The following MEIS2 variants were observed in gnomAD, a reference collection of about 807,000 sequenced individuals.
The protein encoded by MEIS2 is Meis homeobox 2.
In MEIS2, 9 loss-of-function variants were observed where a neutral mutation model predicts 58.6. The observed-to-expected ratio is 0.15, with a 90% CI of 0.09 to 0.27. The LOEUF (loss-of-function observed/expected upper bound fraction) is 0.27. Among genes scored for constraint, MEIS2 ranks in the 10% least tolerant of loss-of-function variants. The probability of loss-of-function intolerance (pLI) is 1.00; values close to 1 mark genes in which losing one functional copy is unlikely to be tolerated. For missense variants in MEIS2, 427 were observed against 635.0 expected (o/e 0.67, Z 3.52); for synonymous variants, 221 against 228.4 (o/e 0.97, Z 0.29).
chr15:36,956,018 A>G (rs995715078), intron 8 of MEIS2, among the ~76,000 whole-genome samples: 1 of 119,138 alleles, frequency 8.4e-6, no homozygotes, highest in Non-Finnish European at 1.7e-5. Context: ...TCTACTAAAA[A>G]TACAAAAAAA....
At chr15:36,910,614 C>T (rs2056963911) in intron 9 of MEIS2, among the ~76,000 whole-genome samples, 1 of 152,130 alleles carries the variant, frequency 6.6e-6, no homozygotes, top group South Asian at 2.1e-4. Flanking sequence ...TTTAGATTTC[C>T]CCAAGTCAGA....
At chr15:37,093,500 G>A in intron 6 of MEIS2, 81 bp downstream of exon 6, 1 of 1,497,544 alleles carries the variant, frequency 6.7e-7, no homozygotes, top group Non-Finnish European at 9.0e-7. Flanking sequence ...AACTAAATCA[G>A]TGGAGCTAGA....
At chr15:37,046,378 C>T (rs1246351415) in intron 7 of MEIS2, among the ~76,000 whole-genome samples, 2 of 152,088 alleles carry the variant, frequency 1.3e-5, no homozygotes, top group African/African-American at 4.8e-5. Context: ...AAAACCCAGC[C>T]AAGGCTGTGC....
chr15:36,901,650 T>C (rs16964268), intron 9 of MEIS2, among the ~76,000 whole-genome samples: 26,671 of 152,092 alleles, frequency 0.18, 2,584 homozygotes, highest in African/African-American at 0.25. Flanking sequence ...GCCTACACCT[T>C]TAAAAACACA....
At position 37,011,792 on chromosome 15, in the gene MEIS2, G is replaced by A. The variant is rs141044490; in HGVS notation, c.900+25022C>T. Among the ~76,000 whole-genome samples, 58 of 151,664 alleles carry A rather than the reference G, an allele frequency of 3.8e-4. 1 individual carries two copies. The East Asian group carries it at 0.01, about 27-fold the overall frequency. On this transcript the variant is annotated intron_variant, in intron 8 of 11. Transcript: ENST00000561208. ...GTACCACCACACCTGGCTAATTTTT[G>A]TATTTTTAGTAGAGATGGGGTTTCA...
intron 9 of MEIS2, among the ~76,000 whole-genome samples, chr15:36,918,892 C>G (rs1010429786): frequency 1.3e-5 from 2 of 152,182 alleles, no homozygotes; most frequent in Non-Finnish European, 2.9e-5. Context: ...AATTTCTCAG[C>G]TACATGACCT....
In MEIS2 at chr15:37,093,614, T is replaced by A. The variant is rs774778254; in HGVS notation, c.606A>T (p.Glu202Asp). The A allele has an allele frequency of 6.2e-7, 1 of 1,614,178 alleles. No homozygotes were observed. The highest frequency in any genetic ancestry group is 1.3e-5 in the African/African-American group (1 of 75,052). ...RDGSSKSDHE[E>D]LSGSSTNLAD... ...CGAGATTTGTGGAGGAGCCTGAAAG[T>A]TCTTCATGATCTGACTTGGAGCTGC... The change falls in exon 6 of 12, where the codon GAA becomes GAT. Residue 202 changes from glutamate to aspartate, a missense_variant. This residue lies in a region of MEIS2 where 138 missense variants were observed against 263.0 expected (regional missense o/e 0.52). Coordinates refer to ENST00000561208, the MANE Select transcript of MEIS2 (RefSeq NM_170675.5).
At chr15:37,029,494 T>C (rs1470664222) in intron 8 of MEIS2, among the ~76,000 whole-genome samples, 1 of 152,250 alleles carries the variant, frequency 6.6e-6, no homozygotes, top group African/African-American at 2.4e-5. Flanking sequence ...CCTTAAAAGA[T>C]GTCTAATGAT....
chr15:37,056,909 T>C (rs1289067881), intron 7 of MEIS2, among the ~76,000 whole-genome samples: 3 of 152,190 alleles, frequency 2.0e-5, no homozygotes, highest in Non-Finnish European at 4.4e-5. Context: ...AGGGTGACAA[T>C]GATTTCCGCC....
chr15:36,905,438 T>A (rs1361889077), intron 9 of MEIS2, among the ~76,000 whole-genome samples: 4 of 152,126 alleles, frequency 2.6e-5, no homozygotes, highest in African/African-American at 9.7e-5. Flanking sequence ...ACATCACCCT[T>A]TGGCCAGTCA....
intron 9 of MEIS2, among the ~76,000 whole-genome samples, chr15:36,910,993 T>C (rs2056989433): frequency 7.0e-6 from 1 of 143,118 alleles, no homozygotes; most frequent in African/African-American, 2.6e-5. Flanking sequence ...TGCAGTGAGC[T>C]GAGATCGCGC....
chr15:36,946,076 C>T (rs1290176005), intron 9 of MEIS2, among the ~76,000 whole-genome samples: 5 of 151,818 alleles, frequency 3.3e-5, no homozygotes, highest in Non-Finnish European at 5.9e-5. Flanking sequence ...TCTGATATAG[C>T]ACTGAGAAAA....
At chr15:37,090,906 T>C (rs953071798) in intron 6 of MEIS2, among the ~76,000 whole-genome samples, 4 of 152,132 alleles carry the variant, frequency 2.6e-5, no homozygotes, top group Non-Finnish European at 5.9e-5. Context: ...CAGATCAGAA[T>C]AGTGGGCCAA....
chr15:36,892,653 G>A (rs1193245652), intron 11 of MEIS2, among the ~76,000 whole-genome samples, 194 bp from the exon 12 acceptor site: 1 of 151,950 alleles, frequency 6.6e-6, no homozygotes, highest in African/African-American at 2.4e-5. Flanking sequence ...TCGCACAGCA[G>A]TATAATGCAA....
chr15:36,995,977 A>G (rs567037733), intron 8 of MEIS2, among the ~76,000 whole-genome samples: 8,595 of 29,840 alleles, frequency 0.29, 495 homozygotes, highest in Middle Eastern at 0.53. Context: ...ATATATATAT[A>G]TATATATATA....
intron 7 of MEIS2, among the ~76,000 whole-genome samples, chr15:37,075,287 G>A (rs1269215419): frequency 6.6e-6 from 1 of 151,938 alleles, no homozygotes; most frequent in African/African-American, 2.4e-5. Context: ...GGACAAATAA[G>A]TCCCATTTTA....
intron 8 of MEIS2, among the ~76,000 whole-genome samples, chr15:37,032,887 G>A (rs939635050): frequency 2.0e-5 from 3 of 152,108 alleles, no homozygotes; most frequent in Non-Finnish European, 4.4e-5. Context: ...TATGGAAACG[G>A]TTTATCAAAT....
At chr15:37,030,585 C>A (rs1368397933) in intron 8 of MEIS2, among the ~76,000 whole-genome samples, 1 of 151,600 alleles carries the variant, frequency 6.6e-6, no homozygotes. Flanking sequence ...AATCCACCCC[C>A]CTTGGCCTCC....
chr15:37,094,661 G>A, intron 4 of MEIS2, 84 bp from the exon 5 acceptor site: 3 of 1,182,900 alleles, frequency 2.5e-6, no homozygotes, highest in South Asian at 2.9e-5. Flanking sequence ...TGAGGATGGT[G>A]GTGAGAAAGT....
Sources: allele counts gnomAD v4.1 joint callset (sites outside exome capture counted in the v4.1 genomes callset), GRCh38; gene constraint gnomAD v4.1.1; regional missense constraint gnomAD v4.1.1; transcripts MANE v1.5; gene names NCBI Gene and HGNC (gene_info 2026-07-23, HGNC 2026-07-21).